The following FOXK2 variants were observed in gnomAD, a reference collection of about 807,000 sequenced individuals.
FOXK2 encodes forkhead box K2.
A neutral mutation model predicts 53.3 loss-of-function variants in FOXK2; 24 were observed. That is an observed-to-expected ratio of 0.45 (90% CI 0.33 to 0.63). The LOEUF (loss-of-function observed/expected upper bound fraction) is 0.63. Among genes scored for constraint, FOXK2 ranks in the 30% least tolerant of loss-of-function variants. The probability of loss-of-function intolerance (pLI) is 0.03; values close to 1 mark genes in which losing one functional copy is unlikely to be tolerated. For synonymous variants in FOXK2, 505 were observed against 407.1 expected (o/e 1.24, Z -2.89); for missense variants, 952 against 910.5 (o/e 1.05, Z -0.59).
chr17:82,555,190 C>T (rs1169634456), intron 1 of FOXK2, among the ~76,000 whole-genome samples: 1 of 152,184 alleles, frequency 6.6e-6, no homozygotes, highest in Non-Finnish European at 1.5e-5. Flanking sequence ...AGGAAAGTTG[C>T]AGGGCCAGGG....
chr17:82,520,445 C>A, intron 1 of FOXK2, 138 bp downstream of exon 1: 1 of 749,250 alleles, frequency 1.3e-6, no homozygotes, highest in Non-Finnish European at 1.8e-6. Context: ...CCAGCGGGAC[C>A]CAGGCCCCGG....
intron 4 of FOXK2, chr17:82,576,662 C>A: frequency 8.6e-7 from 1 of 1,160,702 alleles, no homozygotes; most frequent in Non-Finnish European, 1.3e-6. Context: ...ATTGACACAA[C>A]GAAGTCACCA....
chr17:82,591,453 T>C (rs139252071), intron 8 of FOXK2, among the ~76,000 whole-genome samples: 94 of 152,232 alleles, frequency 6.2e-4, no homozygotes, highest in African/African-American at 2.1e-3. Flanking sequence ...TGCATCATGC[T>C]GCCGCCCCAT....
At chr17:82,534,012 T>C (rs2044497392) in intron 1 of FOXK2, among the ~76,000 whole-genome samples, 1 of 143,196 alleles carries the variant, frequency 7.0e-6, no homozygotes, top group South Asian at 2.2e-4. Context: ...GGTCGATAGG[T>C]AGATAAGATA....
chr17:82,578,954 C>A (rs566401037), intron 4 of FOXK2, among the ~76,000 whole-genome samples: 1 of 152,278 alleles, frequency 6.6e-6, no homozygotes, highest in South Asian at 2.1e-4. Context: ...TAAGAGCATG[C>A]AAATTAAATG....
At chr17:82,595,066 A>G (rs2045295812) in intron 8 of FOXK2, among the ~76,000 whole-genome samples, 1 of 152,154 alleles carries the variant, frequency 6.6e-6, no homozygotes, top group Non-Finnish European at 1.5e-5. Flanking sequence ...AGGAATAGAA[A>G]CGCAAGCCGG....
intron 1 of FOXK2, among the ~76,000 whole-genome samples, chr17:82,560,867 G>A (rs936532500): frequency 2.6e-4 from 39 of 152,216 alleles, no homozygotes; most frequent in African/African-American, 8.7e-4. Context: ...AAGTTGATGC[G>A]GAGGATCGCT....
intron 1 of FOXK2, among the ~76,000 whole-genome samples, chr17:82,562,370 C>T (rs987450866): frequency 1.1e-4 from 16 of 152,128 alleles, no homozygotes; most frequent in Admixed American, 4.6e-4. Context: ...CACGTGAGGT[C>T]GCGAGTTCGA....
intron 4 of FOXK2, among the ~76,000 whole-genome samples, chr17:82,574,259 A>C (rs1171889643): frequency 3.3e-5 from 5 of 151,694 alleles, no homozygotes; most frequent in Admixed American, 2.0e-4. Flanking sequence ...GCTCCAGCTA[A>C]TTAAGCGGGA....
chr17:82,591,331 ACCAGGGTGGCCCCT>A (rs2045251086), intron 8 of FOXK2, among the ~76,000 whole-genome samples: 1 of 151,864 alleles, frequency 6.6e-6, no homozygotes, highest in South Asian at 2.1e-4. Context: ...TGTCAGGTTC[ACCAGGGTGGCCCCT>A]GGTCCCGTTG....
intron 7 of FOXK2, among the ~76,000 whole-genome samples, chr17:82,586,727 C>T (rs2045177609): frequency 6.6e-6 from 1 of 151,994 alleles, no homozygotes; most frequent in Non-Finnish European, 1.5e-5. Flanking sequence ...CACGGAGAAA[C>T]CCTGTCTCTA....
At chr17:82,581,103 G>A (rs2045054114) in intron 4 of FOXK2, among the ~76,000 whole-genome samples, 1 of 152,230 alleles carries the variant, frequency 6.6e-6, no homozygotes, top group African/African-American at 2.4e-5. Context: ...AAGGTTAATT[G>A]GGGAATTTAG....
Position 82,585,976 on chromosome 17 carries a change from C to T in FOXK2, c.1352C>T (p.Thr451Ile), listed in dbSNP as rs141760151. 1.9e-6 allele frequency: 3 copies of T among 1,612,824 alleles called. No individual in the cohort carries two copies. Among genetic ancestry groups the T allele is most frequent in the African/African-American group, 1.3e-5 (1 of 75,076 alleles). Residue 451 changes from threonine to isoleucine, a missense_variant, in exon 7 of 9, where the codon ACC (threonine) becomes ATC (isoleucine). By Grantham distance (89) the Thr-to-Ile change is moderately conservative. Coordinates refer to ENST00000335255, the MANE Select transcript of FOXK2 (RefSeq NM_004514.4). ...RQLPQAIKPV[T>I]YTVATPVTTS... The stretch of plus-strand genomic sequence containing the variant: ...CTACCACAGGCCATCAAGCCTGTCA[C>T]CTACACTGTGGCCACCCCAGTGACC...
chr17:82,576,630 TG>T, intron 4 of FOXK2: 1 of 1,106,392 alleles, frequency 9.0e-7, no homozygotes, highest in South Asian at 1.3e-5. Context: ...CAGATTGTTC[TG>T]GGAAGCTGGC....
In FOXK2 at chr17:82,584,103, G is replaced by A. The variant is rs144073500; in HGVS notation, c.1194G>A (p.Ser398=). 139 of 1,611,216 alleles carry A rather than the reference G, an allele frequency of 8.6e-5. No individual in the cohort carries two copies. Among genetic ancestry groups the A allele is most frequent in the Non-Finnish European group, 1.1e-4 (134 of 1,179,876 alleles). ...CTGAGAGCCTGTCGAGGGAAGGTTC[G>A]CCGGCCCCCCTGGAGCCTGAGCCTG... is the stretch of plus-strand genomic sequence containing the variant. The part of the protein sequence containing the change: ...QTPESLSREG[S]PAPLEPEPGA... Residue 398 remains serine, a synonymous_variant, in exon 6 of 9, where the codon TCG becomes TCA. Transcript: ENST00000335255.
chr17:82,556,709 A>T (rs937775036), intron 1 of FOXK2, among the ~76,000 whole-genome samples: 8 of 150,130 alleles, frequency 5.3e-5, no homozygotes, highest in East Asian at 1.9e-4. Flanking sequence ...TTTTATTTTT[A>T]TTTTTTTTTG....
intron 8 of FOXK2, among the ~76,000 whole-genome samples, chr17:82,594,712 C>G (rs989606415): frequency 5.9e-5 from 9 of 152,168 alleles, no homozygotes; most frequent in Admixed American, 2.6e-4. Context: ...GAGCCCGTCT[C>G]TGTAGATGGA....
chr17:82,551,903 GGCC>G (rs2044680769), intron 1 of FOXK2, among the ~76,000 whole-genome samples: 1 of 152,176 alleles, frequency 6.6e-6, no homozygotes, highest in African/African-American at 2.4e-5. Flanking sequence ...CCCATTCCTG[GGCC>G]TGGCACGGTG....
intron 4 of FOXK2, 25 bp from the exon 5 acceptor site, chr17:82,582,716 C>T: frequency 1.3e-6 from 2 of 1,528,814 alleles, no homozygotes; most frequent in Admixed American, 2.2e-5. Context: ...TATATGAATT[C>T]TACGTATTTT....
Sources: gnomAD v4.1 joint callset for allele counts (sites outside exome capture counted in the v4.1 genomes callset) on GRCh38, gnomAD v4.1.1 for gene constraint, MANE v1.5 for transcripts, NCBI Gene and HGNC (gene_info 2026-07-23, HGNC 2026-07-21) for gene names.